ZBTB11: variants seen among roughly 807,000 people sequenced by gnomAD.
ZBTB11 encodes zinc finger and BTB domain-containing protein 11.
In ZBTB11, 68 loss-of-function variants were observed where a neutral mutation model predicts 113.1. That is an observed-to-expected ratio of 0.60 (90% confidence interval 0.49 to 0.74). The LOEUF is 0.74. Ranked by LOEUF, ZBTB11 falls within the 30% of genes least tolerant of loss-of-function variation. The pLI is 0.00. For synonymous variants in ZBTB11, 518 were observed against 452.6 expected (o/e 1.14, Z -1.83); for missense variants, 1,104 against 1,279.4 (o/e 0.86, Z 2.09).
chr3:101,656,550 T>C (rs569396389), intron 6 of ZBTB11, among the ~76,000 whole-genome samples: 1 of 152,294 alleles, frequency 6.6e-6, no homozygotes, highest in African/African-American at 2.4e-5. Context: ...TACCTTATAT[T>C]AAGAGACATG....
intron 6 of ZBTB11, among the ~76,000 whole-genome samples, chr3:101,657,703 G>A (rs999666979): frequency 2.0e-5 from 3 of 151,934 alleles, no homozygotes; most frequent in Non-Finnish European, 2.9e-5. Context: ...CCTCACTGGA[G>A]GCCAGGCACA....
In ZBTB11 at chr3:101,664,545, T is replaced by C. The variant is rs570556033; in HGVS notation, c.1793A>G (p.Lys598Arg). Residue 598 changes from lysine (K) to arginine (R), a missense_variant, in exon 5 of 11, where the codon AAA (lysine) becomes AGA (arginine). Transcript: ENST00000312938. ...AGCTTTCCAAATACTTACTGGACATTTGTAATCTCTAGCTCTTTCATGTTT... is the reference window on the plus strand; with the variant it reads ...AGCTTTCCAAATACTTACTGGACATCTGTAATCTCTAGCTCTTTCATGTTT... The part of the protein sequence containing the change: ...KLKHERARDY[K>R]CPLCKKQFQY... The C allele has an allele frequency of 7.5e-6, 12 of 1,601,050 alleles. No individual in the cohort carries two copies. The highest frequency in any genetic ancestry group is 1.4e-5 in the African/African-American group (1 of 74,022).
chr3:101,669,495 G>A (rs754708611), intron 3 of ZBTB11, among the ~76,000 whole-genome samples: 1 of 152,064 alleles, frequency 6.6e-6, no homozygotes, highest in Non-Finnish European at 1.5e-5. Flanking sequence ...TTTTTTTCAG[G>A]CAGACATTTC....
intron 5 of ZBTB11, among the ~76,000 whole-genome samples, chr3:101,663,803 T>A (rs1359066494): frequency 6.6e-6 from 1 of 152,114 alleles, no homozygotes; most frequent in Non-Finnish European, 1.5e-5. Flanking sequence ...GGCAGGAGAA[T>A]CACCTGAACC....
At position 101,672,556 on chromosome 3, in the gene ZBTB11, C is replaced by T. The variant is rs114435904; in HGVS notation, c.311-343G>A. 9.0e-3 allele frequency among the ~76,000 whole-genome samples: 1,364 copies of T among 152,228 alleles called. 16 individuals carry two copies. The highest frequency in any genetic ancestry group is 0.031 in the African/African-American group (1,291 of 41,520). On this transcript the variant is annotated intron_variant, in intron 1 of 10. Coordinates refer to ENST00000312938, the MANE Select transcript of ZBTB11 (RefSeq NM_014415.4). ...CCAATATTCACCTTTTTTTGACCTA[C>T]ACAAATTAACAATTTAGGGCATGAT...
At chr3:101,664,821 T>TATA (rs1936953315) in intron 4 of ZBTB11, 107 bp from the exon 5 acceptor site, 13 of 1,463,070 alleles carry the variant, frequency 8.9e-6, no homozygotes, top group Non-Finnish European at 1.1e-5. Context: ...ATTATCTTAT[T>TATA]AATACTGGCA....
rs138391528 is a variant in ZBTB11, at chr3:101,654,690, T to A, written c.2309+14A>T. 429 of 1,594,634 alleles carry A rather than the reference T, an allele frequency of 2.7e-4. No homozygotes were observed. Among genetic ancestry groups the A allele is most frequent in the Non-Finnish European group, 3.5e-4 (407 of 1,167,120 alleles). ...AATTAAATTAACTGAATGCCTCACA[T>A]ATTGAATACTTACTGAGTACAATGA... On this transcript the variant is annotated intron_variant, in intron 8 of 10. Transcript: ENST00000312938.
chr3:101,664,175 T>TA (rs1005389182), intron 5 of ZBTB11, among the ~76,000 whole-genome samples: 42 of 152,340 alleles, frequency 2.8e-4, no homozygotes, highest in African/African-American at 9.6e-4. Context: ...GGTTGATTCT[T>TA]AGCTTTCCCC....
Position 101,665,280 on chromosome 3 carries a change from T to C in ZBTB11, c.1307A>G (p.Asn436Ser). 6.2e-7 allele frequency: 1 copy of C among 1,614,234 alleles called. No individual in the cohort carries two copies. Among genetic ancestry groups the C allele is most frequent in the East Asian group, 2.2e-5 (1 of 44,890 alleles). ...SNNRENNTVS[N>S]IHPKLSKENV... is the part of the protein sequence containing the mutation. ...CTCTTTTGAAAGTTTAGGGTGTATATTAGAAACTGTGTTATTTTCTCTGTT... is the reference window on the plus strand; with the variant it reads ...CTCTTTTGAAAGTTTAGGGTGTATACTAGAAACTGTGTTATTTTCTCTGTT... The change falls in exon 4 of 11, where the codon AAT becomes AGT. Residue 436 changes from asparagine to serine, a missense_variant. This residue lies in a region of ZBTB11 where 535 missense variants were observed against 518.6 expected (regional missense o/e 1.03). Coordinates refer to ENST00000312938, the MANE Select transcript of ZBTB11 (RefSeq NM_014415.4).
At chr3:101,661,233 C>CAA (rs36039635) in intron 5 of ZBTB11, among the ~76,000 whole-genome samples, 3 of 107,226 alleles carry the variant, frequency 2.8e-5, no homozygotes, top group East Asian at 2.8e-4. Flanking sequence ...GACCCTGTCT[C>CAA]AAAAAAAAAA....
intron 5 of ZBTB11, 40 bp from the exon 6 acceptor site, chr3:101,660,068 T>A: frequency 6.3e-7 from 1 of 1,584,640 alleles, no homozygotes; most frequent in Non-Finnish European, 8.6e-7. Context: ...GTATTTCCAT[T>A]ACAAAATGTT....
intron 3 of ZBTB11, chr3:101,670,898 C>CT: frequency 2.2e-6 from 1 of 455,004 alleles, no homozygotes. Flanking sequence ...CCTAGAAATT[C>CT]TTTTTCTGCT....
At position 101,659,999 on chromosome 3, in the gene ZBTB11, G is replaced by C; in HGVS notation, c.1830C>G (p.Ala610=). The part of the protein sequence containing the change: ...PLCKKQFQYS[A]SLRAHLIRHT... ...GACGAATAAGATGTGCTCGCAAAGA[G>C]GCACTGTACTGAAACTGTTTTTTAC... The change falls in exon 6 of 11, where the codon GCC becomes GCG. Residue 610 remains alanine, a synonymous_variant. Coordinates refer to ENST00000312938, the MANE Select transcript of ZBTB11 (RefSeq NM_014415.4). 5 of 1,614,068 alleles carry C rather than the reference G, an allele frequency of 3.1e-6. No individual in the cohort carries two copies. Among genetic ancestry groups the C allele is most frequent in the South Asian group, 2.2e-5 (2 of 91,078 alleles).
chr3:101,676,589 G>C lies in ZBTB11; in HGVS notation c.310+16C>G. ...CGAGTCGCCAGCCCGCCCCCTCGCC[G>C]CGGGCTAGGTCTCACCTCGCCACCA... On this transcript the variant is annotated intron_variant, in intron 1 of 10. Coordinates refer to ENST00000312938, the MANE Select transcript of ZBTB11 (RefSeq NM_014415.4). 3 of 1,467,628 alleles carry C rather than the reference G, an allele frequency of 2.0e-6. No individual in the cohort carries two copies. Among genetic ancestry groups the C allele is most frequent in the Non-Finnish European group, 1.8e-6 (2 of 1,109,768 alleles). 90.9% of individuals were successfully genotyped at this position (1,467,628 alleles called of 1,614,324 possible). A position where few individuals can be genotyped will look rare whatever the true frequency, so the allele number is the denominator to read the frequency against.
At chr3:101,656,466 T>C (rs111600624) in intron 6 of ZBTB11, among the ~76,000 whole-genome samples, 12 of 152,192 alleles carry the variant, frequency 7.9e-5, no homozygotes, top group Non-Finnish European at 1.5e-4. Context: ...CTTAAATCCA[T>C]GTGATCACCA....
At chr3:101,669,335 T>A (rs1937048361) in intron 3 of ZBTB11, among the ~76,000 whole-genome samples, 1 of 152,262 alleles carries the variant, frequency 6.6e-6, no homozygotes. Flanking sequence ...CTTATCTACT[T>A]AATATTTAAA....
intron 5 of ZBTB11, among the ~76,000 whole-genome samples, chr3:101,663,078 T>A (rs1011223128): frequency 2.0e-5 from 3 of 152,132 alleles, no homozygotes; most frequent in Non-Finnish European, 2.9e-5. Context: ...TAGCTGGAAC[T>A]ACAGGTGCTC....
intron 6 of ZBTB11, among the ~76,000 whole-genome samples, chr3:101,658,523 C>T (rs1936835661): frequency 1.3e-5 from 2 of 151,862 alleles, no homozygotes; most frequent in Admixed American, 1.3e-4. Flanking sequence ...TGTACCCGGC[C>T]AATTAATTAA....
Position 101,651,369 on chromosome 3 carries a change from C to A in ZBTB11, c.2959G>T (p.Val987Leu). The A allele has an allele frequency of 6.2e-7, 1 of 1,613,972 alleles. No homozygotes were observed. Among genetic ancestry groups the A allele is most frequent in the Admixed American group, 1.7e-5 (1 of 60,006 alleles). Residue 987 changes from valine to leucine, a missense_variant, in exon 11 of 11, where the codon GTA (valine) becomes TTA (leucine). Physicochemically the swap from Val to Leu is conservative, Grantham distance 32 (BLOSUM62 1). This residue lies in a region of ZBTB11 where 90 missense variants were observed against 98.0 expected (regional missense o/e 0.92). Coordinates refer to ENST00000312938, the MANE Select transcript of ZBTB11 (RefSeq NM_014415.4). ...GCTTCCATAGTTTCTCCTGTCACTA[C>A]CACAGTCTCAAGTTCTTGAGGACCA... is the stretch of plus-strand genomic sequence containing the variant. Reference protein sequence around the residue: ...SSGPQELETVVVTGETMEALE... With the variant: ...SSGPQELETVLVTGETMEALE...
Sources: gnomAD v4.1 joint callset for allele counts (sites outside exome capture counted in the v4.1 genomes callset) on GRCh38, gnomAD v4.1.1 for gene constraint, gnomAD v4.1.1 regional missense constraint, MANE v1.5 for transcripts, NCBI Gene and HGNC (gene_info 2026-07-23, HGNC 2026-07-21) for gene names.